ITGAL: variants seen among roughly 807,000 people sequenced by gnomAD.
The protein encoded by ITGAL is integrin alpha-L.
In ITGAL, 68 loss-of-function variants were observed where a neutral mutation model predicts 138.4. That is an observed-to-expected ratio of 0.49 (90% CI 0.40 to 0.60). The LOEUF (loss-of-function observed/expected upper bound fraction) is 0.60, where lower values mean the gene tolerates loss of function less well. Ranked by LOEUF, ITGAL falls within the 20% of genes least tolerant of loss-of-function variation. ITGAL has a pLI of 0.00. For missense variants in ITGAL, 1,256 were observed against 1,478.6 expected (o/e 0.85, Z 2.47); for synonymous variants, 561 against 584.3 (o/e 0.96, Z 0.57).
At chr16:30,485,902 T>A (rs573775166) in intron 9 of ITGAL, among the ~76,000 whole-genome samples, 1 of 152,236 alleles carries the variant, frequency 6.6e-6, no homozygotes, top group South Asian at 2.1e-4. Flanking sequence ...CTGACCTATG[T>A]CTTGCTGGTG....
At chr16:30,498,630 G>A (rs1033093106) in intron 15 of ITGAL, 1 of 155,210 alleles carries the variant, frequency 6.4e-6, no homozygotes, top group African/African-American at 2.4e-5. Flanking sequence ...CAGGCATGGT[G>A]GCTCATGCCT....
In ITGAL at chr16:30,479,074, G is replaced by A. The variant is rs757143870; in HGVS notation, c.328-17G>A. On this transcript the variant is annotated splice_polypyrimidine_tract_variant and intron_variant, in intron 4 of 30. Transcript: ENST00000356798. ...AGCAAATAGGAGACCCAAATCTTTG[G>A]CCTTTGCTTTCTTTAGGCCTGTGAC... 119 of 1,600,802 alleles carry A rather than the reference G, an allele frequency of 7.4e-5. No homozygotes were observed. The East Asian group carries it at 2.6e-3, about 35-fold the overall frequency.
At chr16:30,483,367 G>A (rs1024790158) in intron 7 of ITGAL, among the ~76,000 whole-genome samples, 9 of 152,172 alleles carry the variant, frequency 5.9e-5, no homozygotes, top group Admixed American at 4.6e-4. Flanking sequence ...GTAGAGATCC[G>A]GAGGCAGCCT....
chr16:30,499,291 C>T, intron 16 of ITGAL, 47 bp from the exon 17 acceptor site: 1 of 1,613,084 alleles, frequency 6.2e-7, no homozygotes, highest in Non-Finnish European at 8.5e-7. Context: ...AGGCTTATGG[C>T]CTGGGATCCC....
intron 17 of ITGAL, among the ~76,000 whole-genome samples, chr16:30,502,396 C>CAAAAAAAAAAAAAAAAAAAAAAAAAA: frequency 1.2e-5 from 1 of 80,096 alleles, no homozygotes; most frequent in Non-Finnish European, 2.9e-5. Flanking sequence ...GACTCCATCT[C>CAAAAAAAAAAAAAAAAAAAAAAAAAA]AAAAAAAAAA....
intron 24 of ITGAL, among the ~76,000 whole-genome samples, chr16:30,513,075 G>T (rs1015585703): frequency 6.6e-6 from 1 of 152,232 alleles, no homozygotes; most frequent in Non-Finnish European, 1.5e-5. Context: ...ATGAGTGTGG[G>T]TTGGGGGAGA....
Position 30,494,749 on chromosome 16 carries a change from G to A in ITGAL, c.1402G>A (p.Asp468Asn), listed in dbSNP as rs559041010. 5.0e-6 allele frequency: 8 copies of A among 1,612,880 alleles called. No individual in the cohort carries two copies. Among genetic ancestry groups the A allele is most frequent in the East Asian group, 4.5e-5 (2 of 44,832 alleles). Residue 468 changes from aspartate (D) to asparagine (N), a missense_variant, in exon 13 of 31, where the codon GAC becomes AAC. By Grantham distance (23) the Asp-to-Asn change is conservative (BLOSUM62 1). Transcript: ENST00000356798. This position sits in a 1 kb window ranked among gnomAD's most constrained non-coding sequence, Gnocchi z 4.2. ...TTTCGGTGGGGAGCTGTGTGGCGTCGACGTGGACCAAGATGGGGAGACAGA... is the reference window on the plus strand; with the variant it reads ...TTTCGGTGGGGAGCTGTGTGGCGTCAACGTGGACCAAGATGGGGAGACAGA... The part of the protein sequence containing the change: ...SYFGGELCGV[D>N]VDQDGETELL...
chr16:30,500,631 C>T (rs933203157), intron 17 of ITGAL, among the ~76,000 whole-genome samples: 5 of 151,874 alleles, frequency 3.3e-5, no homozygotes, highest in African/African-American at 4.8e-5. Flanking sequence ...CTCACTGTAG[C>T]CTCCAACTTC....
At chr16:30,499,564 G>C in intron 17 of ITGAL, 75 bp downstream of exon 17, 1 of 1,441,674 alleles carries the variant, frequency 6.9e-7, no homozygotes, top group Non-Finnish European at 9.6e-7. Context: ...TGTCCAGTGG[G>C]TGACACGTCA....
chr16:30,474,354 GGCGGTGGCCGCCTCCCCGACCCTC>G lies in ITGAL; in HGVS notation c.164+59_164+82del, dbSNP rs2151140122. 2.3e-6 allele frequency: 3 copies of G among 1,299,364 alleles called. No homozygotes were observed. The East Asian group carries it at 7.5e-5, about 32-fold the overall frequency. The allele number at this position is 1,299,364 out of a possible 1,614,324, so 80.5% of individuals were successfully genotyped here. On this transcript the variant is annotated intron_variant, in intron 2 of 30. Coordinates refer to ENST00000356798, the MANE Select transcript of ITGAL (RefSeq NM_002209.3). ...ATGCCCGCCCTGGGGCAGCCCCCGA[GGCGGTGGCCGCCTCCCCGACCCTC>G]GCCTGGGCTAGTCGGTGGCACGAGG...
At chr16:30,495,919 G>A (rs1396235784) in intron 13 of ITGAL, among the ~76,000 whole-genome samples, 178 bp from the exon 14 acceptor site, 1 of 152,076 alleles carries the variant, frequency 6.6e-6, no homozygotes, top group Non-Finnish European at 1.5e-5. Flanking sequence ...GAAACCACAA[G>A]GTCACAGTAA....
intron 4 of ITGAL, among the ~76,000 whole-genome samples, chr16:30,476,562 A>G (rs1457518493): frequency 6.6e-6 from 1 of 152,158 alleles, no homozygotes; most frequent in Non-Finnish European, 1.5e-5. Flanking sequence ...AAATATTAAG[A>G]AAATAATAGT....
chr16:30,475,696 G>GTCAA, intron 4 of ITGAL, 116 bp downstream of exon 4: 1 of 526,126 alleles, frequency 1.9e-6, no homozygotes. Flanking sequence ...AGGCATCAGA[G>GTCAA]TCAATTAGTG....
At chr16:30,501,727 G>GA (rs889875880) in intron 17 of ITGAL, among the ~76,000 whole-genome samples, 2 of 151,208 alleles carry the variant, frequency 1.3e-5, no homozygotes, top group Non-Finnish European at 2.9e-5. Flanking sequence ...ATGGTACATG[G>GA]AAAAAAAAAG....
At chr16:30,474,415 G>T in intron 2 of ITGAL, 117 bp downstream of exon 2, 1 of 689,136 alleles carries the variant, frequency 1.5e-6, no homozygotes, top group South Asian at 1.7e-5. Context: ...AGCTCTCCAG[G>T]GGTTCCCGTC....
rs879528214 is a variant in ITGAL at position 30,487,710 on chromosome 16, C to CT, written c.1007-1360dup. Among the ~76,000 whole-genome samples the CT allele has an allele frequency of 1.2e-3, 162 of 135,182 alleles. 1 individual carries two copies. The highest frequency in any genetic ancestry group is 1.3e-3 in the East Asian group (6 of 4,672). 88.7% of individuals were successfully genotyped at this position (135,182 alleles called of 152,430 possible). A position where few individuals can be genotyped will look rare whatever the true frequency, so the allele number is the denominator to read the frequency against. ...TACAGGTGTGAGCCACTGTGCCTGG[C>CT]TTTTTTTTTTTTCAAGACAGAGTTT... On this transcript the variant is annotated intron_variant, in intron 9 of 30. Transcript: ENST00000356798.
At chr16:30,505,662 C>T (rs1463387780) in intron 20 of ITGAL, among the ~76,000 whole-genome samples, 200 bp downstream of exon 20, 3 of 151,850 alleles carry the variant, frequency 2.0e-5, no homozygotes, top group Admixed American at 6.6e-5. Context: ...GGGGAAGATT[C>T]GTTAAGGCCA....
chr16:30,517,290 A>G (rs3764322), intron 26 of ITGAL, among the ~76,000 whole-genome samples: 35,038 of 151,926 alleles, frequency 0.23, 4,671 homozygotes, highest in South Asian at 0.66. Flanking sequence ...CAGTCTCTAC[A>G]AACAAATTTT....
rs1406054972 is a variant in ITGAL at position 30,521,912 on chromosome 16, C to A, written c.*247C>A. On this transcript the variant is annotated 3_prime_UTR_variant, in exon 31 of 31. Transcript: ENST00000356798. ...GGCTTGTCATTACCAGACGGTTCACCAGCCTCTCTTGGTTTCCTTCCTTGG... is the reference window on the plus strand; with the variant it reads ...GGCTTGTCATTACCAGACGGTTCACAAGCCTCTCTTGGTTTCCTTCCTTGG... 1.5e-5 allele frequency: 7 copies of A among 459,260 alleles called. No homozygotes were observed. Among genetic ancestry groups the A allele is most frequent in the Non-Finnish European group, 2.3e-5 (6 of 256,450 alleles). The allele number at this position is 459,260 out of a possible 1,614,324, so 28.4% of individuals were successfully genotyped here.
Sources: gnomAD v4.1 joint callset for allele counts (sites outside exome capture counted in the v4.1 genomes callset) on GRCh38, gnomAD v4.1.1 for gene constraint, Gnocchi (gnomAD v3.1) non-coding constraint, MANE v1.5 for transcripts, NCBI Gene and HGNC (gene_info 2026-07-23, HGNC 2026-07-21) for gene names.